The following HP1BP3 variants were observed in gnomAD, a reference collection of about 807,000 sequenced individuals.
HP1BP3 encodes the protein heterochromatin protein 1 binding protein 3, also known as heterochromatin protein 1-binding protein 3.
Under a neutral mutation model 62.5 loss-of-function variants are expected in HP1BP3, and 12 were observed. That is an observed-to-expected ratio of 0.19 (90% CI 0.12 to 0.31). The LOEUF (loss-of-function observed/expected upper bound fraction) is 0.31, where lower values mean the gene tolerates loss of function less well. Ranked by LOEUF, HP1BP3 falls within the 10% of genes least tolerant of loss-of-function variation. The pLI is 1.00. For synonymous variants in HP1BP3, 260 were observed against 237.8 expected (o/e 1.09, Z -0.86); for missense variants, 502 against 651.8 (o/e 0.77, Z 2.50).
intron 4 of HP1BP3, chr1:20,775,092 A>G (rs1390172309): frequency 6.6e-6 from 1 of 152,054 alleles, no homozygotes; most frequent in Non-Finnish European, 1.5e-5. Context: ...TTATCATTAG[A>G]GTATATGTTT....
At chr1:20,776,061 T>C (rs977887546) in intron 4 of HP1BP3, 7 of 1,413,782 alleles carry the variant, frequency 5.0e-6, no homozygotes, top group Admixed American at 5.3e-5. Flanking sequence ...CATCACTTTA[T>C]ATAGATACAC....
At chr1:20,747,456 AAAACAGTAATAAGGGT>A (rs2055414675) in intron 11 of HP1BP3, 72 bp downstream of exon 11, 1 of 857,394 alleles carries the variant, frequency 1.2e-6, no homozygotes, top group Non-Finnish European at 1.8e-6. Flanking sequence ...CCAGTTCACT[AAAACAGTAATAAGGGT>A]AAAATAAATT....
At chr1:20,747,481 T>C in intron 11 of HP1BP3, 63 bp downstream of exon 11, 1 of 1,027,764 alleles carries the variant, frequency 9.7e-7, no homozygotes. Context: ...GTAAAATAAA[T>C]TAAACTGAGT....
intron 10 of HP1BP3, 87 bp downstream of exon 10, chr1:20,749,636 G>A (rs958446862): frequency 3.1e-6 from 4 of 1,308,448 alleles, no homozygotes; most frequent in South Asian, 2.8e-5. Flanking sequence ...TGGGATTACA[G>A]GCGTGAGCCA....
At chr1:20,760,217 T>C (rs2056386725) in intron 8 of HP1BP3, among the ~76,000 whole-genome samples, 1 of 151,936 alleles carries the variant, frequency 6.6e-6, no homozygotes, top group Non-Finnish European at 1.5e-5. Flanking sequence ...TGTGACGGGA[T>C]TGGGAAGACA....
In HP1BP3 at chr1:20,747,555, G is replaced by A. The variant is rs1259071740; in HGVS notation, c.1242C>T (p.Pro414=). The change falls in exon 11 of 13, where the codon CCC becomes CCT. Residue 414 remains proline (P), a synonymous_variant. Coordinates refer to ENST00000438032, the MANE Select transcript of HP1BP3 (RefSeq NM_001372052.1). ...GGCTAAGTACTTACCTGGGATAATA[G>A]GGAAAACAGAGCTGGAAGGTGCCAC... ...GFSGTFQLCF[P]YYPSPGVLFP... is the part of the protein sequence containing the mutation. 1 of 1,602,956 alleles carries A rather than the reference G, an allele frequency of 6.2e-7. No individual in the cohort carries two copies. Among genetic ancestry groups the A allele is most frequent in the South Asian group, 1.1e-5 (1 of 90,580 alleles).
intron 9 of HP1BP3, among the ~76,000 whole-genome samples, chr1:20,751,271 T>C (rs2055731184): frequency 6.6e-6 from 1 of 152,142 alleles, no homozygotes; most frequent in Non-Finnish European, 1.5e-5. Flanking sequence ...ATAGTCAAGT[T>C]TTCTGGGAAT....
At chr1:20,776,923 C>G (rs1253214383) in intron 3 of HP1BP3, among the ~76,000 whole-genome samples, 173 bp from the exon 4 acceptor site, 1 of 152,184 alleles carries the variant, frequency 6.6e-6, no homozygotes, top group East Asian at 1.9e-4. Context: ...TTATGTCACT[C>G]AAGTTTCCTG....
At chr1:20,765,878 C>A (rs186769587) in intron 7 of HP1BP3, among the ~76,000 whole-genome samples, 6 of 151,350 alleles carry the variant, frequency 4.0e-5, no homozygotes, top group Non-Finnish European at 8.8e-5. Context: ...GGCACAAGAA[C>A]TGCTTGAACC....
At chr1:20,780,025 G>T in intron 2 of HP1BP3, 114 bp from the exon 3 acceptor site, 1 of 728,678 alleles carries the variant, frequency 1.4e-6, no homozygotes, top group Non-Finnish European at 2.2e-6. Context: ...TCGACTCCAG[G>T]ATCTGATGCA....
chr1:20,772,905 A>G (rs1393266630), intron 5 of HP1BP3, among the ~76,000 whole-genome samples: 1 of 152,230 alleles, frequency 6.6e-6, no homozygotes, highest in Non-Finnish European at 1.5e-5. Context: ...TAATTTTTGT[A>G]AGCATTTTGG....
chr1:20,784,990 G>C (rs753821980), intron 1 of HP1BP3, among the ~76,000 whole-genome samples: 2 of 151,936 alleles, frequency 1.3e-5, no homozygotes, highest in Admixed American at 6.5e-5. Flanking sequence ...GCATGACCAG[G>C]GATCACTGTA....
In HP1BP3 at chr1:20,776,720, G is replaced by C; in HGVS notation, c.227C>G (p.Ser76Cys). The change falls in exon 4 of 13, where the codon TCC becomes TGC. Residue 76 changes from serine (S) to cysteine (C), a missense_variant. Ser to Cys is a moderately radical substitution (Grantham distance 112). This residue lies in a region of HP1BP3 where 165 missense variants were observed against 156.4 expected (regional missense o/e 1.05). Transcript: ENST00000438032. ...EPDISSEESV[S>C]TVEEQENETP... ...TTCATTCTCTTGTTCTTCTACAGTG[G>C]AGACAGATTCCTCTGAACTTATGTC... 6.2e-7 allele frequency: 1 copy of C among 1,613,394 alleles called. No individual in the cohort carries two copies. Among genetic ancestry groups the C allele is most frequent in the Non-Finnish European group, 8.5e-7 (1 of 1,179,684 alleles).
intron 1 of HP1BP3, among the ~76,000 whole-genome samples, chr1:20,786,849 G>C (rs908253529): frequency 2.6e-5 from 4 of 152,154 alleles, no homozygotes; most frequent in Non-Finnish European, 4.4e-5. Context: ...GGCGGGCAGA[G>C]GACGCCGACG....
chr1:20,757,622 C>T (rs2056201860), intron 8 of HP1BP3, among the ~76,000 whole-genome samples: 2 of 151,728 alleles, frequency 1.3e-5, no homozygotes, highest in Admixed American at 6.6e-5. Flanking sequence ...CTGCCTGACT[C>T]GGCCTCCCAA....
At chr1:20,754,522 G>A (rs915453573) in intron 9 of HP1BP3, among the ~76,000 whole-genome samples, 16 of 151,252 alleles carry the variant, frequency 1.1e-4, no homozygotes, top group Non-Finnish European at 2.2e-4. Context: ...TACAGGACCC[G>A]GCATAGTCAA....
chr1:20,764,106 G>T (rs1187400776), intron 8 of HP1BP3, among the ~76,000 whole-genome samples: 1 of 151,984 alleles, frequency 6.6e-6, no homozygotes, highest in Non-Finnish European at 1.5e-5. Flanking sequence ...TTTCATTTGT[G>T]TAAAGTATTT....
chr1:20,755,336 G>T, intron 9 of HP1BP3: 1 of 451,554 alleles, frequency 2.2e-6, no homozygotes, highest in Non-Finnish European at 4.5e-6. Flanking sequence ...GGGAAGCTGA[G>T]GCAGGCAGAC....
rs775693364 is a variant in HP1BP3, at chr1:20,776,710, T to C, written c.237A>G (p.Glu79=). Residue 79 remains glutamate (E), a synonymous_variant, in exon 4 of 13, where the codon GAA becomes GAG. Coordinates refer to ENST00000438032, the MANE Select transcript of HP1BP3 (RefSeq NM_001372052.1). ...ISSEESVSTV[E]EQENETPPAT... ...CAGGTGGAGTTTCATTCTCTTGTTC[T>C]TCTACAGTGGAGACAGATTCCTCTG... 3 of 1,613,886 alleles carry C rather than the reference T, an allele frequency of 1.9e-6. No homozygotes were observed. The highest frequency in any genetic ancestry group is 1.7e-6 in the Non-Finnish European group (2 of 1,179,864).
Sources: gnomAD v4.1 joint callset for allele counts (sites outside exome capture counted in the v4.1 genomes callset) on GRCh38, gnomAD v4.1.1 for gene constraint, gnomAD v4.1.1 regional missense constraint, MANE v1.5 for transcripts, NCBI Gene and HGNC (gene_info 2026-07-23, HGNC 2026-07-21) for gene names.